ASIC2: variants seen among roughly 807,000 people sequenced by gnomAD.
ASIC2 encodes acid sensing ion channel subunit 2.
ASIC2 carries 25 observed loss-of-function variants against 57.3 expected under a neutral mutation model. The observed-to-expected ratio is 0.44, with a 90% CI of 0.32 to 0.61. The LOEUF is 0.61. ASIC2 is among the 20% of genes least tolerant of loss of function. ASIC2 has a pLI of 0.06. For synonymous variants in ASIC2, 319 were observed against 307.5 expected, an observed-to-expected ratio of 1.04 and a Z score of -0.39; for missense variants, 641 against 738.1, an observed-to-expected ratio of 0.87 and a Z score of 1.52.
At position 33,799,352 on chromosome 17, in the gene ASIC2, C is replaced by CTCTTTCTT. The variant is rs543095141; in HGVS notation, c.555+356618_555+356625dup. On this transcript the variant is annotated intron_variant, in intron 1 of 9. Transcript: ENST00000359872. ...CCCTCCCTCTCTGTTTCCTCTCTTT[C>CTCTTTCTT]TCTTTCTTTCTTTCTTTCTTTCTTC... Among the ~76,000 whole-genome samples, 83 of 136,140 alleles carry CTCTTTCTT rather than the reference C, an allele frequency of 6.1e-4. 5 individuals are homozygous for CTCTTTCTT. The East Asian group carries it at 0.018, about 30-fold the overall frequency. 89.3% of individuals were successfully genotyped at this position (136,140 alleles called of 152,430 possible).
At chr17:33,099,543 T>C (rs994026793) in intron 2 of ASIC2, among the ~76,000 whole-genome samples, 34 of 152,208 alleles carry the variant, frequency 2.2e-4, no homozygotes, top group Non-Finnish European at 1.3e-4. Context: ...TTGCAAAATA[T>C]GTATTTGTGA....
intron 1 of ASIC2, among the ~76,000 whole-genome samples, chr17:33,617,283 T>TGG (rs1431619368): frequency 4.6e-5 from 7 of 152,104 alleles, no homozygotes; most frequent in African/African-American, 9.7e-5. Flanking sequence ...AGTGAAAAAA[T>TGG]GTGGTACATA....
At chr17:33,821,346 G>A (rs940263117) in intron 1 of ASIC2, among the ~76,000 whole-genome samples, 4 of 152,160 alleles carry the variant, frequency 2.6e-5, no homozygotes, top group Non-Finnish European at 5.9e-5. Context: ...CGAGCTCTAG[G>A]GAAAGCCTTC....
chr17:33,726,672 C>T (rs1180765902), intron 1 of ASIC2, among the ~76,000 whole-genome samples: 2 of 152,200 alleles, frequency 1.3e-5, no homozygotes, highest in Middle Eastern at 3.2e-3. Flanking sequence ...CTGAAAAACC[C>T]TGAGACAATT....
chr17:34,026,554 C>G (rs916526233), intron 1 of ASIC2, among the ~76,000 whole-genome samples: 19 of 152,194 alleles, frequency 1.2e-4, no homozygotes, highest in African/African-American at 4.6e-4. Flanking sequence ...TGTTTTTCTA[C>G]TCACTGCTAA....
intron 1 of ASIC2, among the ~76,000 whole-genome samples, chr17:33,581,735 A>G (rs1904447569): frequency 6.6e-6 from 1 of 152,170 alleles, no homozygotes; most frequent in Non-Finnish European, 1.5e-5. Context: ...GATGAAGTGA[A>G]TTGGTGTCCT....
rs928231620 is a variant in ASIC2, at chr17:33,568,894, G to A, written c.556-456827C>T. 2.2e-4 allele frequency among the ~76,000 whole-genome samples: 33 copies of A among 152,278 alleles called. 1 individual carries two copies. The highest frequency in any genetic ancestry group is 2.2e-3 in the Admixed American group (33 of 15,296). On this transcript the variant is annotated intron_variant, in intron 1 of 9. Coordinates refer to the ASIC2 transcript ENST00000359872. ...TGCTAAGGGATATGGAACTCAGCCT[G>A]TAGGCATAAAATAGTCAATGGGAGC... is the stretch of plus-strand genomic sequence containing the variant.
chr17:33,397,643 G>A (rs1352102153), intron 1 of ASIC2, among the ~76,000 whole-genome samples: 1 of 152,152 alleles, frequency 6.6e-6, no homozygotes, highest in Non-Finnish European at 1.5e-5. Context: ...TGTCCCTGGG[G>A]ATCTGGGACA....
At chr17:34,094,248 C>G (rs1910438388) in intron 1 of ASIC2, among the ~76,000 whole-genome samples, 1 of 152,260 alleles carries the variant, frequency 6.6e-6, no homozygotes, top group South Asian at 2.1e-4. Context: ...CTTCCACTGG[C>G]CCTTACTAAT....
intron 1 of ASIC2, among the ~76,000 whole-genome samples, chr17:33,727,537 GGTGA>G (rs1284571271): frequency 6.6e-6 from 1 of 152,008 alleles, no homozygotes; most frequent in African/African-American, 2.4e-5. Context: ...TTGCTGTGAT[GGTGA>G]GTGAGTGCTC....
intron 2 of ASIC2, among the ~76,000 whole-genome samples, chr17:33,096,329 A>G (rs2092179391): frequency 6.6e-6 from 1 of 152,120 alleles, no homozygotes; most frequent in African/African-American, 2.4e-5. Flanking sequence ...AATGCCTACC[A>G]TGAGCATGTG....
At chr17:33,087,854 C>A (rs11650626) in intron 3 of ASIC2, among the ~76,000 whole-genome samples, 37,795 of 151,802 alleles carry the variant, frequency 0.25, 5,703 homozygotes, top group East Asian at 0.45. Flanking sequence ...CCACCGTGCC[C>A]GGCCCTACAA....
chr17:33,706,165 CA>C (rs1908853687), intron 1 of ASIC2, among the ~76,000 whole-genome samples: 1 of 147,670 alleles, frequency 6.8e-6, no homozygotes, highest in Non-Finnish European at 1.5e-5. Context: ...AATCTGTAGT[CA>C]TATGTGTGTG....
chr17:33,867,220 TA>T (rs1382762688), intron 1 of ASIC2, among the ~76,000 whole-genome samples: 6 of 152,124 alleles, frequency 3.9e-5, no homozygotes, highest in African/African-American at 7.2e-5. Flanking sequence ...CTGCTATATC[TA>T]AAAAATATTT....
At chr17:33,152,784 A>G (rs1895214649) in intron 1 of ASIC2, among the ~76,000 whole-genome samples, 1 of 152,350 alleles carries the variant, frequency 6.6e-6, no homozygotes, top group South Asian at 2.1e-4. Flanking sequence ...AATGCACATT[A>G]GCATGTTACG....
chr17:33,122,415 T>C (rs905396369), intron 1 of ASIC2, among the ~76,000 whole-genome samples: 1 of 152,158 alleles, frequency 6.6e-6, no homozygotes, highest in African/African-American at 2.4e-5. Context: ...CTAATAATAT[T>C]ATTATTAATA....
At chr17:33,862,219 G>T (rs1031060832) in intron 1 of ASIC2, among the ~76,000 whole-genome samples, 1 of 152,124 alleles carries the variant, frequency 6.6e-6, no homozygotes, top group African/African-American at 2.4e-5. Context: ...CAAACATTTT[G>T]CAAAACCTTC....
At chr17:33,399,035 C>G (rs1468328092) in intron 1 of ASIC2, among the ~76,000 whole-genome samples, 1 of 152,142 alleles carries the variant, frequency 6.6e-6, no homozygotes, top group Admixed American at 6.5e-5. Flanking sequence ...CCATTTTCTA[C>G]TCTGTATCCA....
intron 1 of ASIC2, among the ~76,000 whole-genome samples, chr17:34,031,861 GT>G (rs1173883218): frequency 2.0e-5 from 3 of 152,220 alleles, no homozygotes; most frequent in Non-Finnish European, 2.9e-5. Context: ...ATGGCAGTAT[GT>G]GGAAAGACCA....
Sources: gnomAD v4.1 joint callset for allele counts (sites outside exome capture counted in the v4.1 genomes callset) on GRCh38, gnomAD v4.1.1 for gene constraint, MANE v1.5 for transcripts, NCBI Gene and HGNC (gene_info 2026-07-23, HGNC 2026-07-21) for gene names.